The following GALNT13 variants were observed in gnomAD, a reference collection of about 807,000 sequenced individuals.
GALNT13 encodes UDP-GalNAc:polypeptide N-acetylgalactosaminyltransferase 13.
In GALNT13, 28 loss-of-function variants were observed where a neutral mutation model predicts 64.2. The observed-to-expected ratio is 0.44, with a 90% CI of 0.32 to 0.60. GALNT13 has a LOEUF of 0.60. Among genes scored for constraint, GALNT13 ranks in the 20% least tolerant of loss-of-function variants. The probability of loss-of-function intolerance (pLI) is 0.05; values close to 1 mark genes in which losing one functional copy is unlikely to be tolerated. For synonymous variants in GALNT13, 214 were observed against 224.6 expected, an observed-to-expected ratio of 0.95 and a Z score of 0.42; for missense variants, 577 against 669.8, an observed-to-expected ratio of 0.86 and a Z score of 1.53.
At chr2:154,298,611 AT>A (rs1282692061) in intron 8 of GALNT13, among the ~76,000 whole-genome samples, 2 of 63,460 alleles carry the variant, frequency 3.2e-5, no homozygotes, top group African/African-American at 1.2e-4. Context: ...GTATATATTA[AT>A]TTATATATAC....
At chr2:153,741,658 C>G in the GALNT13 span, among the ~76,000 whole-genome samples, 1 of 151,904 alleles carries the variant, frequency 6.6e-6, no homozygotes. Context: ...CTGTATACCA[C>G]TTGTATTTTT....
intron 3 of GALNT13, among the ~76,000 whole-genome samples, chr2:154,006,359 A>G (rs1696250425): frequency 6.6e-6 from 1 of 152,206 alleles, no homozygotes; most frequent in Admixed American, 6.5e-5. Flanking sequence ...CATTAAGTGG[A>G]TGATTAAAAT....
the GALNT13 span, among the ~76,000 whole-genome samples, chr2:153,526,911 A>C: frequency 6.6e-6 from 1 of 152,200 alleles, no homozygotes; most frequent in Non-Finnish European, 1.5e-5. Flanking sequence ...GTAATGAAGA[A>C]GCATCAGAGT....
At chr2:153,998,815 A>T (rs1265953204) in intron 3 of GALNT13, among the ~76,000 whole-genome samples, 1 of 152,002 alleles carries the variant, frequency 6.6e-6, no homozygotes, top group Admixed American at 6.6e-5. Context: ...TTAATTTTTT[A>T]TAAGGTGTGA....
chr2:154,174,479 A>G (rs1320570928), intron 4 of GALNT13, among the ~76,000 whole-genome samples: 2 of 152,174 alleles, frequency 1.3e-5, no homozygotes, highest in South Asian at 2.1e-4. Flanking sequence ...TTAAGCTAAC[A>G]TAACAGTTCC....
the GALNT13 span, among the ~76,000 whole-genome samples, chr2:153,247,705 A>G: frequency 2.3e-5 from 1 of 42,688 alleles, no homozygotes; most frequent in East Asian, 2.2e-4. Flanking sequence ...TACAAGAAGT[A>G]ACTAAGATCA....
intron 4 of GALNT13, among the ~76,000 whole-genome samples, chr2:154,145,661 A>G (rs1355757515): frequency 1.3e-5 from 2 of 152,144 alleles, no homozygotes; most frequent in East Asian, 3.9e-4. Context: ...CAAGTCAATA[A>G]AGAGGAAAAG....
At chr2:154,115,857 C>T (rs568844776) in intron 3 of GALNT13, among the ~76,000 whole-genome samples, 2 of 152,296 alleles carry the variant, frequency 1.3e-5, no homozygotes, top group South Asian at 4.1e-4. Flanking sequence ...AATATTCATT[C>T]CCATGCTTGT....
chr2:153,992,737 A>G (rs371686188), intron 3 of GALNT13, among the ~76,000 whole-genome samples: 1 of 152,200 alleles, frequency 6.6e-6, no homozygotes, highest in Non-Finnish European at 1.5e-5. Context: ...CAATACCATG[A>G]TACTTTTTAA....
At chr2:154,163,990 T>C (rs1475423766) in intron 4 of GALNT13, among the ~76,000 whole-genome samples, 1 of 152,192 alleles carries the variant, frequency 6.6e-6, no homozygotes, top group African/African-American at 2.4e-5. Flanking sequence ...AAAATGAAGA[T>C]GTCTTAAGAT....
chr2:154,332,140 C>T (rs1000644192), intron 9 of GALNT13, among the ~76,000 whole-genome samples: 4 of 152,026 alleles, frequency 2.6e-5, no homozygotes, highest in African/African-American at 9.7e-5. Context: ...TCTTTATATA[C>T]CCTTATGACC....
rs555636618 is a variant in GALNT13, at chr2:154,164,063, A to G, written c.311+23558A>G. On this transcript the variant is annotated intron_variant, in intron 4 of 12. Transcript: ENST00000392825. ...CATGCCAAATAGTGCAAAGCTTTAT[A>G]TCATACTGAATCACAGATGCTGAAG... Among the ~76,000 whole-genome samples, 5 of 152,298 alleles carry G rather than the reference A, an allele frequency of 3.3e-5. No homozygotes were observed. In the South Asian group the frequency reaches 1.0e-3, roughly 32 times the overall value.
chr2:153,872,626 G>GC (rs1553448930), intron 1 of GALNT13, among the ~76,000 whole-genome samples: 2 of 131,416 alleles, frequency 1.5e-5, no homozygotes, highest in Non-Finnish European at 3.3e-5. Flanking sequence ...TGGCGGGGGG[G>GC]GGGGGGGGAG....
chr2:154,103,994 C>A (rs948226041), intron 3 of GALNT13, among the ~76,000 whole-genome samples: 3 of 152,116 alleles, frequency 2.0e-5, no homozygotes, highest in Non-Finnish European at 2.9e-5. Context: ...AAAGCACCCT[C>A]CCTGACCCCT....
intron 11 of GALNT13, among the ~76,000 whole-genome samples, chr2:154,410,365 T>C (rs2105395717): frequency 6.6e-6 from 1 of 152,056 alleles, no homozygotes; most frequent in South Asian, 2.1e-4. Context: ...CTCAATGATT[T>C]CATAAAGAAA....
At chr2:153,912,050 G>T (rs1046031683) in intron 2 of GALNT13, among the ~76,000 whole-genome samples, 4 of 152,080 alleles carry the variant, frequency 2.6e-5, no homozygotes, top group African/African-American at 9.7e-5. Flanking sequence ...CAATGTCATA[G>T]ATTTGGTCTC....
chr2:154,325,082 A>G (rs934755632), intron 9 of GALNT13, among the ~76,000 whole-genome samples: 1 of 151,858 alleles, frequency 6.6e-6, no homozygotes. Context: ...TCTCATCTCC[A>G]TGAGGCCAAA....
the GALNT13 span, among the ~76,000 whole-genome samples, chr2:153,613,907 A>C: frequency 6.6e-6 from 1 of 152,134 alleles, no homozygotes; most frequent in South Asian, 2.1e-4. Flanking sequence ...GATATACCTA[A>C]TGTAAATGAC....
intron 8 of GALNT13, among the ~76,000 whole-genome samples, chr2:154,269,962 T>C (rs140652211): frequency 0.015 from 1,732 of 113,464 alleles, 27 homozygotes; most frequent in African/African-American, 0.053. Flanking sequence ...CACAGAATAA[T>C]ATTTCATTAT....
Sources: allele counts gnomAD v4.1 joint callset (sites outside exome capture counted in the v4.1 genomes callset), GRCh38; gene constraint gnomAD v4.1.1; transcripts MANE v1.5; gene names NCBI Gene and HGNC (gene_info 2026-07-23, HGNC 2026-07-21).